Variants in RHBDD1 observed in about 807,000 individuals in gnomAD.
RHBDD1 encodes rhomboid domain containing 1, also known as rhomboid-related protein 4.
In RHBDD1, 38 loss-of-function variants were observed where a neutral mutation model predicts 36.3. The observed-to-expected ratio is 1.05, with a 90% CI of 0.81 to 1.37. RHBDD1 has a LOEUF of 1.37. RHBDD1 is among the 40% of genes most tolerant of loss of function. The probability of loss-of-function intolerance (pLI) is 0.00; values close to 1 mark genes in which losing one functional copy is unlikely to be tolerated. For missense variants in RHBDD1, 393 were observed against 377.6 expected (o/e 1.04, Z -0.34); for synonymous variants, 151 against 136.5 (o/e 1.11, Z -0.74).
chr2:226,955,687 C>T (rs1219059051), intron 8 of RHBDD1, among the ~76,000 whole-genome samples: 1 of 152,232 alleles, frequency 6.6e-6, no homozygotes, highest in Non-Finnish European at 1.5e-5. Context: ...TCTCCTGAGG[C>T]CTTGCCCCTT....
chr2:226,941,307 C>G lies in RHBDD1; in HGVS notation c.856+26956C>G, dbSNP rs543365672. On this transcript the variant is annotated intron_variant, in intron 8 of 8. Coordinates refer to ENST00000392062, the MANE Select transcript of RHBDD1 (RefSeq NM_001167608.3). The stretch of plus-strand genomic sequence containing the variant: ...AGGGCTCCCATGAGTCTCCCTAGAG[C>G]TGAACCTCAAGTGCACTTCTCCATC... Among the ~76,000 whole-genome samples, 5 of 152,322 alleles carry G rather than the reference C, an allele frequency of 3.3e-5. No individual in the cohort carries two copies. In the South Asian group the frequency reaches 1.0e-3, roughly 32 times the overall value.
At chr2:226,940,638 GTAGA>G (rs1166442073) in intron 8 of RHBDD1, among the ~76,000 whole-genome samples, 4 of 152,214 alleles carry the variant, frequency 2.6e-5, no homozygotes, top group South Asian at 2.1e-4. Flanking sequence ...TGTTTCTAAA[GTAGA>G]TAGATGATGG....
At chr2:226,844,223 T>G (rs1016656180) in intron 3 of RHBDD1, among the ~76,000 whole-genome samples, 3 of 152,222 alleles carry the variant, frequency 2.0e-5, no homozygotes, top group Admixed American at 1.3e-4. Flanking sequence ...ATTCCAACTT[T>G]GGTCACTATC....
intron 8 of RHBDD1, among the ~76,000 whole-genome samples, chr2:226,947,552 G>A (rs1951071980): frequency 6.6e-6 from 1 of 152,050 alleles, no homozygotes; most frequent in African/African-American, 2.4e-5. Context: ...CTCCAGCTTT[G>A]TTCTTTTGGC....
chr2:226,957,303 A>G (rs528368875), intron 8 of RHBDD1, among the ~76,000 whole-genome samples: 1 of 152,352 alleles, frequency 6.6e-6, no homozygotes, highest in Non-Finnish European at 1.5e-5. Context: ...CTTAGAAGAA[A>G]ATATAGATGG....
chr2:226,964,297 T>C (rs1192902890), intron 8 of RHBDD1, among the ~76,000 whole-genome samples: 1 of 152,190 alleles, frequency 6.6e-6, no homozygotes, highest in Non-Finnish European at 1.5e-5. Context: ...CCCTGCACCC[T>C]CTATGTTGCT....
Position 226,907,100 on chromosome 2 carries a change from A to C in RHBDD1, c.655+219A>C, listed in dbSNP as rs956144052. The C allele has an allele frequency of 4.9e-6, 3 of 610,300 alleles. No homozygotes were observed. In the African/African-American group the frequency reaches 5.5e-5, roughly 11 times the overall value. The allele number at this position is 610,300 out of a possible 1,614,324, so 37.8% of individuals were successfully genotyped here. On this transcript the variant is annotated intron_variant, in intron 6 of 8. Coordinates refer to ENST00000392062, the MANE Select transcript of RHBDD1 (RefSeq NM_001167608.3). Reference sequence around the variant, plus strand: ...TAAATTTCGAATCTGATACTTTCTTAGGGGACAAATATCAGTATATATTTA... The same window carrying C: ...TAAATTTCGAATCTGATACTTTCTTCGGGGACAAATATCAGTATATATTTA...
At chr2:226,814,009 C>A in the RHBDD1 span, among the ~76,000 whole-genome samples, 1 of 152,142 alleles carries the variant, frequency 6.6e-6, no homozygotes, top group Non-Finnish European at 1.5e-5. Context: ...CTATTTATTT[C>A]TTCTCTGAGA....
chr2:226,839,968 G>A (rs1053067620), intron 3 of RHBDD1, among the ~76,000 whole-genome samples: 1 of 152,106 alleles, frequency 6.6e-6, no homozygotes, highest in Non-Finnish European at 1.5e-5. Context: ...TTGTATGGAA[G>A]CAACTACTCT....
chr2:226,840,066 T>G (rs1941440558), intron 3 of RHBDD1, among the ~76,000 whole-genome samples: 1 of 152,208 alleles, frequency 6.6e-6, no homozygotes, highest in African/African-American at 2.4e-5. Flanking sequence ...TGCTAAGTAT[T>G]TGTTAGATTG....
chr2:226,811,066 C>G, the RHBDD1 span: 11,457 of 152,118 alleles, frequency 0.075, 494 homozygotes, highest in East Asian at 0.13. Context: ...TCCGTGGTTG[C>G]TTGTGGTTTA....
intron 3 of RHBDD1, among the ~76,000 whole-genome samples, chr2:226,844,112 T>A (rs1941957895): frequency 1.3e-5 from 2 of 152,196 alleles, no homozygotes; most frequent in African/African-American, 4.8e-5. Context: ...ACTTGGTAGA[T>A]CTGGAAAACT....
intron 5 of RHBDD1, among the ~76,000 whole-genome samples, chr2:226,870,417 T>C (rs891854843): frequency 2.0e-5 from 3 of 152,216 alleles, no homozygotes; most frequent in African/African-American, 7.2e-5. Context: ...TTTGTTTGTT[T>C]GACTTCCACT....
Position 226,865,010 on chromosome 2 carries a change from A to T in RHBDD1, c.317A>T (p.Tyr106Phe). ...ERRLGSRWFA[Y>F]VITAFSVLTG... ...AGACTGGGAAGTAGATGGTTTGCCT[A>T]TGTTATCACCGCATTTTCTGTACTT... Residue 106 changes from tyrosine to phenylalanine, a missense_variant, in exon 4 of 9, where the codon TAT becomes TTT. Tyr to Phe is a conservative substitution (Grantham distance 22). Coordinates refer to ENST00000392062, the MANE Select transcript of RHBDD1 (RefSeq NM_001167608.3). The T allele has an allele frequency of 3.1e-6, 5 of 1,614,198 alleles. No homozygotes were observed. Among genetic ancestry groups the T allele is most frequent in the Non-Finnish European group, 4.2e-6 (5 of 1,180,022 alleles).
chr2:226,909,733 C>T (rs534182276), intron 7 of RHBDD1, among the ~76,000 whole-genome samples: 2 of 152,218 alleles, frequency 1.3e-5, no homozygotes, highest in South Asian at 2.1e-4. Flanking sequence ...GGAAGAGGGT[C>T]GTCACCAGAA....
intron 5 of RHBDD1, among the ~76,000 whole-genome samples, chr2:226,883,364 A>G (rs953882304): frequency 6.6e-6 from 1 of 152,254 alleles, no homozygotes; most frequent in Non-Finnish European, 1.5e-5. Flanking sequence ...ATTAAACCAC[A>G]TCGATATGAG....
intron 8 of RHBDD1, among the ~76,000 whole-genome samples, chr2:226,969,662 A>C (rs1953070100): frequency 6.6e-6 from 1 of 152,162 alleles, no homozygotes; most frequent in Non-Finnish European, 1.5e-5. Context: ...CAAACCAAAC[A>C]AATCTCCCCC....
At chr2:226,988,277 G>A (rs534346144) in intron 8 of RHBDD1, 12 of 1,517,784 alleles carry the variant, frequency 7.9e-6, no homozygotes, top group Non-Finnish European at 9.7e-6. Flanking sequence ...GGAGGCCACT[G>A]TAAGTCTCTT....
chr2:226,948,574 A>T (rs796668865), intron 8 of RHBDD1, among the ~76,000 whole-genome samples: 7 of 97,808 alleles, frequency 7.2e-5, no homozygotes, highest in Non-Finnish European at 1.0e-4. Flanking sequence ...TAAAAAAAAA[A>T]AAAAAAAAAA....
Sources: allele counts gnomAD v4.1 joint callset (sites outside exome capture counted in the v4.1 genomes callset), GRCh38; gene constraint gnomAD v4.1.1; transcripts MANE v1.5; gene names NCBI Gene and HGNC (gene_info 2026-07-23, HGNC 2026-07-21).